Variants in MAST4 observed in about 807,000 individuals in gnomAD.
MAST4 encodes microtubule associated serine/threonine kinase family member 4.
A neutral mutation model predicts 162.7 loss-of-function variants in MAST4; 89 were observed. The observed-to-expected ratio is 0.55, with a 90% CI of 0.46 to 0.65. The LOEUF is 0.65. Among genes scored for constraint, MAST4 ranks in the 30% least tolerant of loss-of-function variants. The pLI, the probability that MAST4 is intolerant of heterozygous loss-of-function variation, is 0.00. For synonymous variants in MAST4, 1,479 were observed against 1,361.1 expected, an observed-to-expected ratio of 1.09 and a Z score of -1.91; for missense variants, 3,153 against 3,374.0, an observed-to-expected ratio of 0.93 and a Z score of 1.62.
intron 24 of MAST4, among the ~76,000 whole-genome samples, chr5:67,152,005 C>T (rs1404967856): frequency 3.3e-5 from 5 of 152,068 alleles, no homozygotes; most frequent in African/African-American, 7.2e-5. Flanking sequence ...TGGGCTCAAG[C>T]GACCAGCCTA....
chr5:66,689,521 G>A lies in MAST4; in HGVS notation c.364-70188G>A, dbSNP rs187222663. On this transcript the variant is annotated intron_variant, in intron 1 of 28. Coordinates refer to ENST00000403625, the MANE Select transcript of MAST4 (RefSeq NM_001164664.2). ...GTTTCTCTTTCTCTTACTTTCCTTC[G>A]TAAACCTACCAGTGCTCTGTCTTCC... 5.5e-4 allele frequency among the ~76,000 whole-genome samples: 84 copies of A among 151,908 alleles called. 2 individuals are homozygous for A. Among genetic ancestry groups the A allele is most frequent in the African/African-American group, 1.9e-3 (77 of 41,414 alleles).
At chr5:66,811,318 G>A (rs1756464273) in intron 3 of MAST4, among the ~76,000 whole-genome samples, 1 of 152,194 alleles carries the variant, frequency 6.6e-6, no homozygotes, top group Non-Finnish European at 1.5e-5. Context: ...CTCTGCAACA[G>A]CACTCTGCTT....
At chr5:66,991,282 A>G (rs1243885658) in intron 4 of MAST4, among the ~76,000 whole-genome samples, 1 of 152,232 alleles carries the variant, frequency 6.6e-6, no homozygotes, top group Non-Finnish European at 1.5e-5. Context: ...ATGCCAAAAA[A>G]GAACCAAGAG....
intron 4 of MAST4, among the ~76,000 whole-genome samples, chr5:67,028,166 A>AG (rs370652682): frequency 0.21 from 31,903 of 152,040 alleles, 3,665 homozygotes; most frequent in Non-Finnish European, 0.26. Flanking sequence ...GGCATCCAGG[A>AG]GACACACAAC....
At chr5:66,962,203 G>C (rs1484383543) in intron 4 of MAST4, among the ~76,000 whole-genome samples, 1 of 152,194 alleles carries the variant, frequency 6.6e-6, no homozygotes, top group Non-Finnish European at 1.5e-5. Context: ...TCTGTTTCAA[G>C]ACCTCATTCT....
intron 2 of MAST4, among the ~76,000 whole-genome samples, chr5:66,767,069 C>T (rs535538942): frequency 6.6e-6 from 1 of 152,260 alleles, no homozygotes; most frequent in South Asian, 2.1e-4. Flanking sequence ...AGAAACCCTT[C>T]TGACTTCTTA....
At chr5:66,631,697 A>G (rs1391914449) in intron 1 of MAST4, among the ~76,000 whole-genome samples, 2 of 152,188 alleles carry the variant, frequency 1.3e-5, no homozygotes, top group East Asian at 3.9e-4. Flanking sequence ...AGCTTGCCCT[A>G]TATATAACCT....
chr5:66,652,327 A>C (rs1200343251), intron 1 of MAST4, among the ~76,000 whole-genome samples: 1 of 152,186 alleles, frequency 6.6e-6, no homozygotes, highest in Non-Finnish European at 1.5e-5. Context: ...CATTGTAATC[A>C]TATCACCCTG....
chr5:66,763,979 A>AC (rs1399043332), intron 2 of MAST4, among the ~76,000 whole-genome samples: 1 of 152,186 alleles, frequency 6.6e-6, no homozygotes, highest in African/African-American at 2.4e-5. Context: ...TGGGCAAGTG[A>AC]AGGATGCTAT....
chr5:66,970,398 G>T (rs73768765), intron 4 of MAST4, among the ~76,000 whole-genome samples: 2 of 152,060 alleles, frequency 1.3e-5, no homozygotes, highest in African/African-American at 2.4e-5. Flanking sequence ...TTTAAAATGG[G>T]TATTATAAGC....
intron 23 of MAST4, among the ~76,000 whole-genome samples, chr5:67,146,425 A>G (rs370944082): frequency 6.6e-6 from 1 of 152,240 alleles, no homozygotes; most frequent in South Asian, 2.1e-4. Flanking sequence ...ATATTCTTCT[A>G]TAGAGTATGT....
chr5:66,715,732 G>GA (rs34012737), intron 1 of MAST4, among the ~76,000 whole-genome samples: 3,327 of 125,344 alleles, frequency 0.027, 102 homozygotes, highest in East Asian at 0.16. Flanking sequence ...GCCATGACAG[G>GA]AAAAAAAAAA....
At chr5:66,927,403 G>T (rs1764982294) in intron 4 of MAST4, among the ~76,000 whole-genome samples, 1 of 152,168 alleles carries the variant, frequency 6.6e-6, no homozygotes, top group Non-Finnish European at 1.5e-5. Flanking sequence ...CATCACATGT[G>T]CAGGTTTTGA....
chr5:67,044,749 C>T (rs532236682), intron 4 of MAST4, among the ~76,000 whole-genome samples: 3 of 152,200 alleles, frequency 2.0e-5, no homozygotes, highest in Admixed American at 6.5e-5. Context: ...CTGGCCTTAA[C>T]GAGCCTTCCT....
chr5:66,860,667 C>T (rs1474309338), intron 3 of MAST4, among the ~76,000 whole-genome samples: 15 of 149,790 alleles, frequency 1.0e-4, no homozygotes, highest in Admixed American at 8.0e-4. Context: ...CTTCCAAACA[C>T]TTCCTGTGCT....
At chr5:66,976,887 C>G (rs1748206169) in intron 4 of MAST4, among the ~76,000 whole-genome samples, 1 of 152,094 alleles carries the variant, frequency 6.6e-6, no homozygotes, top group African/African-American at 2.4e-5. Context: ...TTCTAGTAGC[C>G]ACTGACCCCT....
chr5:66,826,460 C>G lies in MAST4; in HGVS notation c.642+37666C>G, dbSNP rs1757261011. Among the ~76,000 whole-genome samples, 2 of 152,062 alleles carry G rather than the reference C, an allele frequency of 1.3e-5. 1 individual carries two copies. Among genetic ancestry groups the G allele is most frequent in the South Asian group, 4.2e-4 (2 of 4,816 alleles). On this transcript the variant is annotated intron_variant, in intron 3 of 28. Coordinates refer to ENST00000403625, the MANE Select transcript of MAST4 (RefSeq NM_001164664.2). ...TCAGCTGACATTTTGACAGTGTGTC[C>G]TCGAAATGTCTTCTGATAGTACTTC...
At chr5:66,745,953 C>A (rs897313182) in intron 1 of MAST4, among the ~76,000 whole-genome samples, 10 of 152,050 alleles carry the variant, frequency 6.6e-5, no homozygotes, top group Admixed American at 1.3e-4. Context: ...ATGAATACTG[C>A]GGGACTGCAG....
chr5:66,802,017 A>G (rs1339708069), intron 3 of MAST4, among the ~76,000 whole-genome samples: 1 of 152,216 alleles, frequency 6.6e-6, no homozygotes, highest in African/African-American at 2.4e-5. Flanking sequence ...GCATGTTAAG[A>G]ATATAAATTA....
Sources: allele counts gnomAD v4.1 joint callset (sites outside exome capture counted in the v4.1 genomes callset), GRCh38; gene constraint gnomAD v4.1.1; transcripts MANE v1.5; gene names NCBI Gene and HGNC (gene_info 2026-07-23, HGNC 2026-07-21).